PPP2R2B: variants seen among roughly 807,000 people sequenced by gnomAD.
PPP2R2B encodes the protein protein phosphatase 2 regulatory subunit Bbeta.
A neutral mutation model predicts 46.0 loss-of-function variants in PPP2R2B; 5 were observed. The ratio of observed to expected loss-of-function variants is 0.11; its 90% CI spans 0.06 to 0.23. The LOEUF is 0.23. PPP2R2B is among the 10% of genes least tolerant of loss of function. The pLI is 1.00. For synonymous variants in PPP2R2B, 215 were observed against 206.7 expected, an observed-to-expected ratio of 1.04 and a Z score of -0.34; for missense variants, 367 against 575.0, an observed-to-expected ratio of 0.64 and a Z score of 3.70.
chr5:147,034,511 A>T (rs969419570), intron 1 of PPP2R2B, among the ~76,000 whole-genome samples: 1 of 152,160 alleles, frequency 6.6e-6, no homozygotes, highest in Non-Finnish European at 1.5e-5. Flanking sequence ...TCAAGCTCTC[A>T]TGCCACTGCT....
At chr5:146,708,407 A>ATGTGTG (rs148698250) in intron 2 of PPP2R2B, among the ~76,000 whole-genome samples, 11 of 138,640 alleles carry the variant, frequency 7.9e-5, no homozygotes, top group Admixed American at 1.4e-4. Context: ...GTGTGTGTGT[A>ATGTGTG]TGTGTGTGTG....
chr5:146,974,961 C>T (rs1171947689), intron 1 of PPP2R2B, among the ~76,000 whole-genome samples: 3 of 152,010 alleles, frequency 2.0e-5, no homozygotes, highest in Non-Finnish European at 2.9e-5. Flanking sequence ...AGTGCTGGGA[C>T]TACAGGCGTG....
intron 1 of PPP2R2B, among the ~76,000 whole-genome samples, chr5:146,942,715 T>C (rs1764359463): frequency 6.6e-6 from 1 of 152,226 alleles, no homozygotes; most frequent in African/African-American, 2.4e-5. Flanking sequence ...TTAAAAACTT[T>C]AAATTTATGA....
At chr5:146,876,502 C>T (rs926971767) in intron 2 of PPP2R2B, among the ~76,000 whole-genome samples, 3 of 152,318 alleles carry the variant, frequency 2.0e-5, no homozygotes, top group East Asian at 1.9e-4. Flanking sequence ...GGATGACATG[C>T]TTAGATACAG....
At chr5:147,059,424 C>T (rs1033531604), upstream of PPP2R2B, among the ~76,000 whole-genome samples, 1 of 152,096 alleles carries the variant, frequency 6.6e-6, no homozygotes, top group Non-Finnish European at 1.5e-5. Flanking sequence ...GCATTAGTCT[C>T]GGATATACCT....
chr5:146,855,931 G>A (rs768548455), intron 2 of PPP2R2B, among the ~76,000 whole-genome samples: 4 of 152,110 alleles, frequency 2.6e-5, no homozygotes, highest in Non-Finnish European at 5.9e-5. Context: ...TAGAATATTT[G>A]ATACAGGTGA....
At chr5:147,029,850 C>T (rs1755699541) in intron 1 of PPP2R2B, among the ~76,000 whole-genome samples, 1 of 151,922 alleles carries the variant, frequency 6.6e-6, no homozygotes, top group African/African-American at 2.4e-5. Context: ...AATCTAGCCT[C>T]TGGAACTTTA....
upstream of PPP2R2B, among the ~76,000 whole-genome samples, chr5:147,056,307 T>G (rs1757081241): frequency 6.6e-6 from 1 of 152,142 alleles, no homozygotes; most frequent in African/African-American, 2.4e-5. Flanking sequence ...TCTCTGTCCT[T>G]GCTTAATCTA....
chr5:146,632,068 C>CG lies in PPP2R2B; in HGVS notation c.790+6182_790+6183insC, dbSNP rs1554116653. On this transcript the variant is annotated intron_variant, in intron 7 of 9. Transcript: ENST00000394411. Reference sequence around the variant, plus strand: ...TACTATGGGCTGAGTTGTGCCCCCCCCCCCGCCCATTCATATATTGAAGTC... The same window carrying CG: ...TACTATGGGCTGAGTTGTGCCCCCCCGCCCCGCCCATTCATATATTGAAGTC... 3.7e-4 allele frequency among the ~76,000 whole-genome samples: 48 copies of CG among 130,650 alleles called. 1 individual carries two copies. Among genetic ancestry groups the CG allele is most frequent in the Non-Finnish European group, 6.8e-4 (42 of 61,328 alleles). The allele number at this position is 130,650 out of a possible 152,430, so 85.7% of individuals were successfully genotyped here.
At chr5:146,958,310 C>A (rs17105785) in intron 1 of PPP2R2B, among the ~76,000 whole-genome samples, 17,190 of 152,052 alleles carry the variant, frequency 0.11, 1,419 homozygotes, top group East Asian at 0.34. Flanking sequence ...ATTTTCACAC[C>A]AAAGCCTTCA....
chr5:146,709,413 G>T (rs916750209), intron 2 of PPP2R2B, among the ~76,000 whole-genome samples: 5 of 152,028 alleles, frequency 3.3e-5, no homozygotes, highest in East Asian at 1.9e-4. Flanking sequence ...GCCTCCTACT[G>T]TCCCACTGTA....
chr5:146,659,492 A>G (rs540652279), intron 5 of PPP2R2B, among the ~76,000 whole-genome samples: 1 of 152,208 alleles, frequency 6.6e-6, no homozygotes, highest in East Asian at 1.9e-4. Flanking sequence ...TCTTGATATC[A>G]GTATTCCCCT....
intron 1 of PPP2R2B, among the ~76,000 whole-genome samples, chr5:146,999,478 A>C (rs59640348): frequency 0.018 from 2,811 of 152,236 alleles, 95 homozygotes; most frequent in African/African-American, 0.065. Flanking sequence ...AGAGATTCTG[A>C]TTTACTTAGT....
chr5:146,710,792 C>T (rs1780172842), intron 2 of PPP2R2B, among the ~76,000 whole-genome samples: 1 of 152,252 alleles, frequency 6.6e-6, no homozygotes, highest in Non-Finnish European at 1.5e-5. Context: ...TGAGAAAGTT[C>T]TCACATCTGT....
intron 2 of PPP2R2B, among the ~76,000 whole-genome samples, chr5:146,823,346 C>T (rs552680219): frequency 6.6e-5 from 10 of 152,156 alleles, no homozygotes; most frequent in Admixed American, 5.9e-4. Flanking sequence ...TACAGGCGCC[C>T]ACCACAAGGC....
At chr5:146,892,060 C>G (rs1762507285) in intron 1 of PPP2R2B, among the ~76,000 whole-genome samples, 1 of 152,178 alleles carries the variant, frequency 6.6e-6, no homozygotes. Context: ...CATTCACATG[C>G]CTCTGTGTCC....
At chr5:146,782,959 A>G (rs1755625641) in intron 2 of PPP2R2B, among the ~76,000 whole-genome samples, 2 of 152,024 alleles carry the variant, frequency 1.3e-5, no homozygotes, top group Non-Finnish European at 2.9e-5. Context: ...ATCGATATGG[A>G]AAAAAAATCC....
intron 5 of PPP2R2B, among the ~76,000 whole-genome samples, chr5:146,651,816 CGAG>C (rs1561804929): frequency 6.6e-6 from 1 of 152,134 alleles, no homozygotes. Context: ...ACCCAGGTGG[CGAG>C]GAGAAGAAAA....
chr5:147,031,219 A>G (rs764285344), intron 1 of PPP2R2B, among the ~76,000 whole-genome samples: 8 of 152,044 alleles, frequency 5.3e-5, no homozygotes, highest in Non-Finnish European at 1.0e-4. Flanking sequence ...CCTGGGCAAC[A>G]GCGAGACTCC....
Sources: gnomAD v4.1 joint callset for allele counts (sites outside exome capture counted in the v4.1 genomes callset) on GRCh38, gnomAD v4.1.1 for gene constraint, MANE v1.5 for transcripts, NCBI Gene and HGNC (gene_info 2026-07-23, HGNC 2026-07-21) for gene names.